Variants in TRIM58 observed in about 807,000 individuals in gnomAD.
The protein encoded by TRIM58 is E3 ubiquitin-protein ligase TRIM58.
TRIM58 carries 38 observed loss-of-function variants against 34.1 expected under a neutral mutation model. That is an observed-to-expected ratio of 1.12 (90% CI 0.86 to 1.46). TRIM58 has a LOEUF of 1.46. Among genes scored for constraint, TRIM58 ranks in the 40% most tolerant of loss-of-function variants. The pLI is 0.00. For missense variants in TRIM58, 677 were observed against 642.0 expected (o/e 1.05, Z -0.59); for synonymous variants, 273 against 275.7 (o/e 0.99, Z 0.10).
rs377704417 is a variant in TRIM58 at position 247,876,154 on chromosome 1, T to C, written c.1126T>C (p.Ser376Pro). Residue 376 changes from serine (S) to proline (P), a missense_variant, in exon 6 of 6, where the codon TCT becomes CCT. By Grantham distance (74) the Ser-to-Pro change is moderately conservative. Transcript: ENST00000366481. ...GCCAAGAAAGGGGGAAACCACGCCA[T>C]CTCCTGAGAATGGGGTCTGGGCCCT... Reference protein sequence around the residue: ...TLPRKGETTPSPENGVWALWL... With the variant: ...TLPRKGETTPPPENGVWALWL... The C allele has an allele frequency of 3.7e-5, 59 of 1,614,008 alleles. No individual in the cohort carries two copies. Among genetic ancestry groups the C allele is most frequent in the Non-Finnish European group, 4.7e-5 (56 of 1,180,018 alleles).
At chr1:247,860,861 C>T (rs927900490) in intron 2 of TRIM58, 149 bp downstream of exon 2, 10 of 586,372 alleles carry the variant, frequency 1.7e-5, no homozygotes, top group South Asian at 6.9e-5. Context: ...TGGGTCATCC[C>T]GTCCCCTCAA....
At position 247,876,645 on chromosome 1, in the gene TRIM58, A is replaced by G; in HGVS notation, c.*156A>G. On this transcript the variant is annotated 3_prime_UTR_variant, in exon 6 of 6. Coordinates refer to ENST00000366481, the MANE Select transcript of TRIM58 (RefSeq NM_015431.4). ...TCCATGGGACAAAAGAGGGAATATG[A>G]AATATTTGCATATGGGAAGATTATA... is the stretch of plus-strand genomic sequence containing the variant. 1 of 620,908 alleles carries G rather than the reference A, an allele frequency of 1.6e-6. No individual in the cohort carries two copies. Among genetic ancestry groups the G allele is most frequent in the Non-Finnish European group, 2.8e-6 (1 of 357,494 alleles). The allele number at this position is 620,908 out of a possible 1,614,324, so 38.5% of individuals were successfully genotyped here.
chr1:247,876,287 G>C lies in TRIM58; in HGVS notation c.1259G>C (p.Gly420Ala). 1 of 1,614,184 alleles carries C rather than the reference G, an allele frequency of 6.2e-7. No individual in the cohort carries two copies. The highest frequency in any genetic ancestry group is 8.5e-7 in the Non-Finnish European group (1 of 1,180,024). The stretch of plus-strand genomic sequence containing the variant: ...GGGATTTTCTTGGACTATGAAGCCG[G>C]TGAAATTTCATTCTACAATGTCACA... ...CIGIFLDYEA[G>A]EISFYNVTDG... Residue 420 changes from glycine (G) to alanine (A), a missense_variant, in exon 6 of 6, where the codon GGT becomes GCT. Coordinates refer to ENST00000366481, the MANE Select transcript of TRIM58 (RefSeq NM_015431.4).
At position 247,876,220 on chromosome 1, in the gene TRIM58, C is replaced by CGGAG; in HGVS notation, c.1192_1193insGGAG (p.Pro398ArgfsTer22). 6.2e-7 allele frequency: 1 copy of CGGAG among 1,614,222 alleles called. No homozygotes were observed. The highest frequency in any genetic ancestry group is 8.5e-7 in the Non-Finnish European group (1 of 1,180,040). ...GAATGAGTACATGGTCCTTGCCTCC[C>CGGAG]CATCAGTGCCTCTTCTCCAACTGGA... On this transcript the variant is annotated frameshift_variant, in exon 6 of 6. Coordinates refer to ENST00000366481, the MANE Select transcript of TRIM58 (RefSeq NM_015431.4). LOFTEE classifies it low-confidence loss of function (END_TRUNC).
In TRIM58 at chr1:247,876,176, C is replaced by A; in HGVS notation, c.1148C>A (p.Ala383Asp). The change falls in exon 6 of 6, where the codon GCC becomes GAC. Residue 383 changes from alanine (A) to aspartate (D), a missense_variant. By Grantham distance (126) the Ala-to-Asp change is moderately radical. Transcript: ENST00000366481. ...CCATCTCCTGAGAATGGGGTCTGGGCCCTGTGGCTGCTGAAAGGGAATGAG... is the reference window on the plus strand; with the variant it reads ...CCATCTCCTGAGAATGGGGTCTGGGACCTGTGGCTGCTGAAAGGGAATGAG... ...TTPSPENGVW[A>D]LWLLKGNEYM... 1.9e-6 allele frequency: 3 copies of A among 1,614,186 alleles called. No individual in the cohort carries two copies. Among genetic ancestry groups the A allele is most frequent in the Non-Finnish European group, 2.5e-6 (3 of 1,180,040 alleles).
At chr1:247,866,223 G>A (rs1011875893) in intron 3 of TRIM58, among the ~76,000 whole-genome samples, 11 of 151,928 alleles carry the variant, frequency 7.2e-5, no homozygotes, top group African/African-American at 2.7e-4. Flanking sequence ...CAGGCTGAGT[G>A]CAGGGTGCAG....
chr1:247,864,356 C>A (rs913876736), intron 2 of TRIM58, among the ~76,000 whole-genome samples: 2 of 151,976 alleles, frequency 1.3e-5, no homozygotes, highest in African/African-American at 4.8e-5. Context: ...CTTTGTTACC[C>A]AGGCTGGTCT....
In TRIM58 at chr1:247,870,848, A is replaced by G. The variant is rs74382252; in HGVS notation, c.871+2785A>G. 4.8e-3 allele frequency among the ~76,000 whole-genome samples: 247 copies of G among 51,578 alleles called. 1 individual carries two copies. The highest frequency in any genetic ancestry group is 0.018 in the Middle Eastern group (2 of 112). The allele number at this position is 51,578 out of a possible 152,430, so 33.8% of individuals were successfully genotyped here. On this transcript the variant is annotated intron_variant, in intron 5 of 5. Transcript: ENST00000366481. ...AGCAGTATCAGAGTCATGGCCACCC[A>G]TAGAGCCTGCACCACCACGCCCAGA... is the stretch of plus-strand genomic sequence containing the variant.
At chr1:247,867,483 C>T (rs914600058) in intron 3 of TRIM58, among the ~76,000 whole-genome samples, 13 of 151,966 alleles carry the variant, frequency 8.6e-5, no homozygotes, top group Admixed American at 2.6e-4. Flanking sequence ...CACCTGAGGT[C>T]AGGAGTTCGA....
At chr1:247,858,793 T>C (rs10888262) in intron 1 of TRIM58, among the ~76,000 whole-genome samples, 124,807 of 135,302 alleles carry the variant, frequency 0.92, 58,202 homozygotes, top group East Asian at 1. Flanking sequence ...CGGAGTCTAG[T>C]TCTGTAGCTC....
chr1:247,878,538 T>C lies in TRIM58; in HGVS notation c.*2049T>C, dbSNP rs117084223. Among the ~76,000 whole-genome samples the C allele has an allele frequency of 3.7e-3, 564 of 152,348 alleles. 22 individuals are homozygous for C. In the East Asian group the frequency reaches 0.098, roughly 26 times the overall value. On this transcript the variant is annotated 3_prime_UTR_variant, in exon 6 of 6. Transcript: ENST00000366481. ...CCTCTTCTTGGTGTTCCACAGGCCA[T>C]GTGTGCCCTAGCCCTCGTTCATGCA...
intron 2 of TRIM58, 122 bp downstream of exon 2, chr1:247,860,834 G>A: frequency 2.9e-6 from 2 of 687,254 alleles, no homozygotes; most frequent in East Asian, 2.8e-5. Flanking sequence ...ATGCCCAAGA[G>A]CACCTCAGAG....
intron 1 of TRIM58, among the ~76,000 whole-genome samples, chr1:247,859,661 C>G (rs1205241098): frequency 6.6e-6 from 1 of 151,972 alleles, no homozygotes; most frequent in East Asian, 1.9e-4. Context: ...TACCAAGTTC[C>G]TTCTGACCTA....
chr1:247,876,791 ATTTGT>A lies in TRIM58; in HGVS notation c.*304_*308del. 1 of 343,592 alleles carries A rather than the reference ATTTGT, an allele frequency of 2.9e-6. No homozygotes were observed. Among genetic ancestry groups the A allele is most frequent in the Non-Finnish European group, 5.3e-6 (1 of 188,250 alleles). The allele number at this position is 343,592 out of a possible 1,614,324, so 21.3% of individuals were successfully genotyped here. A position where few individuals can be genotyped will look rare whatever the true frequency, so the allele number is the denominator to read the frequency against. ...TAAGGATTTCTATGCATTCATTATA[ATTTGT>A]TATTCCTTTCAATATCCTTGTATTT... is the stretch of plus-strand genomic sequence containing the variant. On this transcript the variant is annotated 3_prime_UTR_variant, in exon 6 of 6. Coordinates refer to ENST00000366481, the MANE Select transcript of TRIM58 (RefSeq NM_015431.4).
chr1:247,864,307 G>A (rs7516536), intron 2 of TRIM58, among the ~76,000 whole-genome samples: 58,333 of 151,612 alleles, frequency 0.38, 12,851 homozygotes, highest in African/African-American at 0.61. Context: ...ATGCCTGGTC[G>A]GTTCATTTTA....
chr1:247,857,447 G>T lies in TRIM58; in HGVS notation c.201G>T (p.Ser67=), dbSNP rs765983677. The change falls in exon 1 of 6, where the codon TCG becomes TCT. Residue 67 remains serine, a synonymous_variant. Coordinates refer to ENST00000366481, the MANE Select transcript of TRIM58 (RefSeq NM_015431.4). ...AGTGCCGGGGCCCCTTCCGGCCCTCGGGCTTTCGCCCCAACCGGCAGCTGG... is the reference window on the plus strand; with the variant it reads ...AGTGCCGGGGCCCCTTCCGGCCCTCTGGCTTTCGCCCCAACCGGCAGCTGG... The part of the protein sequence containing the change: ...CPQCRGPFRP[S]GFRPNRQLAG... The T allele has an allele frequency of 7.0e-6, 10 of 1,423,032 alleles. No individual in the cohort carries two copies. The highest frequency in any genetic ancestry group is 9.2e-6 in the Non-Finnish European group (10 of 1,081,230). The allele number at this position is 1,423,032 out of a possible 1,614,324, so 88.2% of individuals were successfully genotyped here.
chr1:247,869,400 T>C (rs1031978139), intron 5 of TRIM58, among the ~76,000 whole-genome samples: 2 of 152,214 alleles, frequency 1.3e-5, no homozygotes, highest in African/African-American at 4.8e-5. Flanking sequence ...GTGGGAGGCT[T>C]TCTGGGTAAT....
chr1:247,859,974 A>G (rs1050892140), intron 1 of TRIM58, among the ~76,000 whole-genome samples: 1 of 152,122 alleles, frequency 6.6e-6, no homozygotes, highest in Non-Finnish European at 1.5e-5. Flanking sequence ...GTTGTTTTGT[A>G]AAATATTTTT....
intron 5 of TRIM58, among the ~76,000 whole-genome samples, chr1:247,872,226 T>C (rs1296481471): frequency 6.6e-6 from 1 of 152,258 alleles, no homozygotes; most frequent in Non-Finnish European, 1.5e-5. Flanking sequence ...GATCACTCTA[T>C]ATGCTTTCTT....
Sources: allele counts gnomAD v4.1 joint callset (sites outside exome capture counted in the v4.1 genomes callset), GRCh38; gene constraint gnomAD v4.1.1; transcripts MANE v1.5; gene names NCBI Gene and HGNC (gene_info 2026-07-23, HGNC 2026-07-21).